NCAM2: variants seen among roughly 807,000 people sequenced by gnomAD.
NCAM2 encodes the protein N-CAM-2.
In NCAM2, 30 loss-of-function variants were observed where a neutral mutation model predicts 98.1. The observed-to-expected ratio is 0.31, with a 90% confidence interval of 0.23 to 0.41. The LOEUF (loss-of-function observed/expected upper bound fraction) is 0.41, where lower values mean the gene tolerates loss of function less well. NCAM2 is among the 10% of genes least tolerant of loss of function. The probability of loss-of-function intolerance (pLI) is 1.00; values close to 1 mark genes in which losing one functional copy is unlikely to be tolerated. For synonymous variants in NCAM2, 368 were observed against 342.4 expected, an observed-to-expected ratio of 1.07 and a Z score of -0.83; for missense variants, 867 against 1,005.8, an observed-to-expected ratio of 0.86 and a Z score of 1.87.
intron 16 of NCAM2, among the ~76,000 whole-genome samples, chr21:21,514,015 T>G (rs1396337303): frequency 6.6e-6 from 1 of 152,004 alleles, no homozygotes; most frequent in African/African-American, 2.4e-5. Context: ...GCCTTTCTTT[T>G]CCTTACTGTT....
At chr21:21,062,747 G>T (rs1342822888) in intron 1 of NCAM2, among the ~76,000 whole-genome samples, 1 of 152,084 alleles carries the variant, frequency 6.6e-6, no homozygotes, top group Non-Finnish European at 1.5e-5. Flanking sequence ...TGATAAAGAG[G>T]TCAATTATGC....
chr21:21,276,015 A>C (rs1391821185), intron 1 of NCAM2, among the ~76,000 whole-genome samples: 1 of 152,078 alleles, frequency 6.6e-6, no homozygotes, highest in Non-Finnish European at 1.5e-5. Flanking sequence ...TAATTTCCTA[A>C]ATGTTCCTTG....
At chr21:21,522,280 T>C (rs553716440) in intron 16 of NCAM2, among the ~76,000 whole-genome samples, 1 of 148,874 alleles carries the variant, frequency 6.7e-6, no homozygotes, top group South Asian at 2.1e-4. Flanking sequence ...TAAATATGAT[T>C]ATATATGAAT....
intron 1 of NCAM2, among the ~76,000 whole-genome samples, chr21:21,027,238 G>A (rs377767044): frequency 5.3e-5 from 8 of 152,180 alleles, no homozygotes; most frequent in African/African-American, 1.9e-4. Flanking sequence ...AGGCTATCTG[G>A]GGTATTAATT....
chr21:21,120,125 G>C (rs963211454), intron 1 of NCAM2, among the ~76,000 whole-genome samples: 2 of 152,124 alleles, frequency 1.3e-5, no homozygotes, highest in African/African-American at 4.8e-5. Context: ...TTTGTTCCTT[G>C]TATGCTGTAG....
Position 21,456,230 on chromosome 21 carries a change from A to G in NCAM2, c.1655-10376A>G, listed in dbSNP as rs1982122944. Among the ~76,000 whole-genome samples the G allele has an allele frequency of 2.0e-5, 3 of 152,152 alleles. No homozygotes were observed. In the South Asian group the frequency reaches 6.2e-4, roughly 32 times the overall value. ...ATAGGTTGATTTCATAGTTTAAGAA[A>G]TGACAGAATATGCTGGCCAGAGTGT... On this transcript the variant is annotated intron_variant, in intron 12 of 17. Coordinates refer to ENST00000400546, the MANE Select transcript of NCAM2 (RefSeq NM_004540.5).
chr21:21,168,721 G>T (rs959948787), intron 1 of NCAM2, among the ~76,000 whole-genome samples: 1 of 152,056 alleles, frequency 6.6e-6, no homozygotes, highest in South Asian at 2.1e-4. Context: ...TGAAATATTA[G>T]AGTATAAATC....
chr21:21,191,307 A>C (rs1033529727), intron 1 of NCAM2, among the ~76,000 whole-genome samples: 1 of 152,210 alleles, frequency 6.6e-6, no homozygotes, highest in African/African-American at 2.4e-5. Flanking sequence ...TGTTCTGATT[A>C]TAGGCTATAA....
intron 1 of NCAM2, among the ~76,000 whole-genome samples, chr21:21,274,774 A>G (rs2072660759): frequency 1.3e-5 from 2 of 152,190 alleles, no homozygotes; most frequent in South Asian, 2.1e-4. Flanking sequence ...CGTTGTCCCA[A>G]GATCAATCAG....
chr21:21,219,648 GT>G lies in NCAM2; in HGVS notation c.56-60927del, dbSNP rs573639366. 7.2e-5 allele frequency among the ~76,000 whole-genome samples: 11 copies of G among 152,232 alleles called. No individual in the cohort carries two copies. In the East Asian group the frequency reaches 2.1e-3, roughly 29 times the overall value. On this transcript the variant is annotated intron_variant, in intron 1 of 17. Transcript: ENST00000400546. The stretch of plus-strand genomic sequence containing the variant: ...TTGATGATCAATGTCTTTGTTACAG[GT>G]TTAGATATTTACTACACTATAATTT...
chr21:21,244,861 A>AT (rs1407979703), intron 1 of NCAM2, among the ~76,000 whole-genome samples: 36 of 151,252 alleles, frequency 2.4e-4, no homozygotes, highest in African/African-American at 7.8e-4. Flanking sequence ...AAAAAAAAAA[A>AT]AAAGGACATA....
At position 21,131,279 on chromosome 21, in the gene NCAM2, T is replaced by TGGGG. The variant is rs568391931; in HGVS notation, c.55+132667_55+132670dup. Reference sequence around the variant, plus strand: ...CTTTATTTCTAGGGTTTAATTTTTCTGGGGGGGGGCTTTAATTTTTTTCAG... The same window carrying TGGGG: ...CTTTATTTCTAGGGTTTAATTTTTCTGGGGGGGGGGGGGCTTTAATTTTTTTCAG... On this transcript the variant is annotated intron_variant, in intron 1 of 17. Coordinates refer to ENST00000400546, the MANE Select transcript of NCAM2 (RefSeq NM_004540.5). 5.0e-4 allele frequency among the ~76,000 whole-genome samples: 72 copies of TGGGG among 144,756 alleles called. 1 individual carries two copies. The highest frequency in any genetic ancestry group is 1.4e-3 in the African/African-American group (55 of 37,988). The allele number at this position is 144,756 out of a possible 152,430, so 95.0% of individuals were successfully genotyped here. A position where few individuals can be genotyped will look rare whatever the true frequency, so the allele number is the denominator to read the frequency against.
intron 16 of NCAM2, among the ~76,000 whole-genome samples, chr21:21,521,976 T>A (rs1194123333): frequency 6.7e-6 from 1 of 150,034 alleles, no homozygotes; most frequent in Non-Finnish European, 1.5e-5. Flanking sequence ...ATACATCATA[T>A]TCAAACTGCA....
At chr21:21,076,192 G>C (rs2065679082) in intron 1 of NCAM2, among the ~76,000 whole-genome samples, 1 of 151,624 alleles carries the variant, frequency 6.6e-6, no homozygotes. Context: ...TATATTATAA[G>C]GGAAATGAGC....
At chr21:21,029,693 C>T (rs6518033) in intron 1 of NCAM2, among the ~76,000 whole-genome samples, 80,746 of 151,682 alleles carry the variant, frequency 0.53, 22,042 homozygotes, top group East Asian at 0.68. Context: ...TACAGTGGCG[C>T]GATCTTGGCT....
intron 1 of NCAM2, among the ~76,000 whole-genome samples, chr21:21,248,122 A>T (rs1047019687): frequency 1.3e-5 from 2 of 152,130 alleles, no homozygotes; most frequent in African/African-American, 4.8e-5. Flanking sequence ...CTACATGTAT[A>T]TGGAATTCTT....
chr21:21,015,834 G>T (rs918520785), intron 1 of NCAM2, among the ~76,000 whole-genome samples: 13 of 152,016 alleles, frequency 8.6e-5, no homozygotes, highest in Admixed American at 2.6e-4. Context: ...CTCCTGAGTA[G>T]CTGGGATTAC....
intron 15 of NCAM2, among the ~76,000 whole-genome samples, chr21:21,501,617 CTT>C (rs5842933): frequency 5.1e-4 from 73 of 143,974 alleles, no homozygotes; most frequent in Admixed American, 6.2e-4. Context: ...ATTAATGTTC[CTT>C]TTTTTTTTTT....
chr21:21,084,631 T>C (rs1274760532), intron 1 of NCAM2, among the ~76,000 whole-genome samples: 1 of 152,204 alleles, frequency 6.6e-6, no homozygotes, highest in Non-Finnish European at 1.5e-5. Context: ...TAATAAAACA[T>C]TAGAAATTCA....
Sources: allele counts gnomAD v4.1 joint callset (sites outside exome capture counted in the v4.1 genomes callset), GRCh38; gene constraint gnomAD v4.1.1; transcripts MANE v1.5; gene names NCBI Gene and HGNC (gene_info 2026-07-23, HGNC 2026-07-21).